HSPA12A: variants seen among roughly 807,000 people sequenced by gnomAD.
HSPA12A encodes heat shock protein family A (Hsp70) member 12A.
In HSPA12A, 28 loss-of-function variants were observed where a neutral mutation model predicts 69.2. The observed-to-expected ratio is 0.40, with a 90% CI of 0.30 to 0.55. The LOEUF (loss-of-function observed/expected upper bound fraction) is 0.55. Ranked by LOEUF, HSPA12A falls within the 20% of genes least tolerant of loss-of-function variation. The probability of loss-of-function intolerance (pLI) is 0.38; values close to 1 mark genes in which losing one functional copy is unlikely to be tolerated. For synonymous variants in HSPA12A, 345 were observed against 370.5 expected, an observed-to-expected ratio of 0.93 and a Z score of 0.79; for missense variants, 686 against 900.7, an observed-to-expected ratio of 0.76 and a Z score of 3.05.
intron 11 of HSPA12A, 27 bp downstream of exon 11, chr10:116,676,372 G>A (rs782529850): frequency 1.5e-5 from 23 of 1,574,988 alleles, no homozygotes; most frequent in East Asian, 6.7e-5. Context: ...CTGCCTCGCC[G>A]AGTGGCCGAG....
At chr10:116,744,046 G>A (rs547978695), upstream of HSPA12A, among the ~76,000 whole-genome samples, 1 of 152,224 alleles carries the variant, frequency 6.6e-6, no homozygotes, top group South Asian at 2.1e-4. Context: ...TCCTGCCTAC[G>A]TGCCTGCGAC....
chr10:116,692,021 C>T (rs1849751433), intron 6 of HSPA12A, among the ~76,000 whole-genome samples: 1 of 152,228 alleles, frequency 6.6e-6, no homozygotes, highest in Admixed American at 6.5e-5. Flanking sequence ...CACTTCATTT[C>T]ACCCACAGAG....
At chr10:116,799,957 G>C (rs953164319) in intron 2 of HSPA12A, among the ~76,000 whole-genome samples, 2 of 152,220 alleles carry the variant, frequency 1.3e-5, no homozygotes, top group African/African-American at 2.4e-5. Context: ...GAATGAAAAA[G>C]TGGGTGGGTG....
chr10:116,684,102 CAGAG>C, intron 6 of HSPA12A, 140 bp from the exon 7 acceptor site: 1 of 664,566 alleles, frequency 1.5e-6, no homozygotes, highest in South Asian at 4.2e-5. Flanking sequence ...CAGTCCTCTG[CAGAG>C]CATAATGTCA....
At chr10:116,819,043 T>G (rs1024488158) in intron 2 of HSPA12A, among the ~76,000 whole-genome samples, 2 of 152,222 alleles carry the variant, frequency 1.3e-5, no homozygotes, top group African/African-American at 4.8e-5. Flanking sequence ...ATTGGTCCCA[T>G]TCTCCCTGAG....
At chr10:116,814,591 C>T (rs903839870) in intron 2 of HSPA12A, among the ~76,000 whole-genome samples, 2 of 152,152 alleles carry the variant, frequency 1.3e-5, no homozygotes, top group African/African-American at 4.8e-5. Flanking sequence ...CACTCTCCAC[C>T]CTCCCTCCCC....
chr10:116,735,065 C>T (rs782696917), intron 1 of HSPA12A, among the ~76,000 whole-genome samples: 6 of 152,174 alleles, frequency 3.9e-5, no homozygotes, highest in Non-Finnish European at 7.3e-5. Flanking sequence ...TGAGAATGTG[C>T]CAACACAACT....
chr10:116,796,547 C>T, intron 2 of HSPA12A, among the ~76,000 whole-genome samples: 1 of 152,166 alleles, frequency 6.6e-6, no homozygotes, highest in Non-Finnish European at 1.5e-5. Flanking sequence ...AATGCAAACT[C>T]CTCCAGACCA....
intron 2 of HSPA12A, among the ~76,000 whole-genome samples, chr10:116,777,207 C>T (rs1370776627): frequency 3.3e-5 from 5 of 152,246 alleles, no homozygotes; most frequent in African/African-American, 1.2e-4. Flanking sequence ...GGTCCCCCCA[C>T]ATCTGAGGCT....
At chr10:116,834,910 T>C (rs1408728002) in intron 2 of HSPA12A, 4 of 1,193,718 alleles carry the variant, frequency 3.4e-6, no homozygotes, top group African/African-American at 3.1e-5. Context: ...AGTTTGATAC[T>C]TACACACATT....
chr10:116,849,645 T>C, exon 1 of HSPA12A: 1 of 1,550,302 alleles, frequency 6.5e-7, no homozygotes, highest in Non-Finnish European at 8.7e-7. Context: ...GATGGAGTAC[T>C]ACCGGGAGAA....
intron 2 of HSPA12A, among the ~76,000 whole-genome samples, chr10:116,706,076 T>A (rs1850239336): frequency 6.6e-6 from 1 of 151,854 alleles, no homozygotes; most frequent in African/African-American, 2.4e-5. Flanking sequence ...TTGTATTTTT[T>A]AGTAGAGACT....
chr10:116,699,216 C>G (rs1850008872), intron 4 of HSPA12A, among the ~76,000 whole-genome samples: 1 of 152,174 alleles, frequency 6.6e-6, no homozygotes, highest in Non-Finnish European at 1.5e-5. Context: ...CGCTGCCAAC[C>G]AAGTCACCAA....
chr10:116,841,563 G>C (rs921669623), intron 1 of HSPA12A, among the ~76,000 whole-genome samples: 57 of 152,126 alleles, frequency 3.7e-4, no homozygotes, highest in African/African-American at 1.3e-3. Flanking sequence ...TAACATATTA[G>C]AGATTCATTC....
chr10:116,805,189 G>C (rs955074705), intron 2 of HSPA12A, among the ~76,000 whole-genome samples: 1 of 152,074 alleles, frequency 6.6e-6, no homozygotes, highest in South Asian at 2.1e-4. Flanking sequence ...GGTGGTGGGC[G>C]CCTGTAGTCC....
chr10:116,709,118 C>T (rs1554882804), intron 1 of HSPA12A, among the ~76,000 whole-genome samples: 1 of 152,174 alleles, frequency 6.6e-6, no homozygotes, highest in Non-Finnish European at 1.5e-5. Flanking sequence ...TTCACAATAA[C>T]AGAAAGGTGG....
intron 1 of HSPA12A, among the ~76,000 whole-genome samples, chr10:116,847,015 T>A (rs1479379393): frequency 1.3e-5 from 2 of 152,200 alleles, no homozygotes; most frequent in African/African-American, 4.8e-5. Context: ...CTCCAAAGGA[T>A]TCGTCTGTTC....
chr10:116,741,665 C>A (rs1851511710), intron 1 of HSPA12A, among the ~76,000 whole-genome samples: 1 of 152,112 alleles, frequency 6.6e-6, no homozygotes, highest in Non-Finnish European at 1.5e-5. Context: ...CCCCCTTCCC[C>A]GTCCTCTCCG....
At chr10:116,787,417 A>G (rs1334697181) in intron 2 of HSPA12A, among the ~76,000 whole-genome samples, 3 of 146,662 alleles carry the variant, frequency 2.0e-5, no homozygotes, top group African/African-American at 7.6e-5. Flanking sequence ...TCACATCCAC[A>G]TACTAGAATA....
Sources: gnomAD v4.1 joint callset for allele counts (sites outside exome capture counted in the v4.1 genomes callset) on GRCh38, gnomAD v4.1.1 for gene constraint, MANE v1.5 for transcripts, NCBI Gene and HGNC (gene_info 2026-07-23, HGNC 2026-07-21) for gene names.